RBM41: variants seen among roughly 807,000 people sequenced by gnomAD.
The protein encoded by RBM41 is RNA-binding protein 41.
A neutral mutation model predicts 30.8 loss-of-function variants in RBM41; 14 were observed. That is an observed-to-expected ratio of 0.45 (90% CI 0.30 to 0.71). The LOEUF (loss-of-function observed/expected upper bound fraction) is 0.71, where lower values mean the gene tolerates loss of function less well. Ranked by LOEUF, RBM41 falls within the 30% of genes least tolerant of loss-of-function variation. The pLI, the probability that RBM41 is intolerant of heterozygous loss-of-function variation, is 0.08. For synonymous variants in RBM41, 120 were observed against 110.1 expected (o/e 1.09, Z -0.56); for missense variants, 276 against 326.3 (o/e 0.85, Z 1.19).
At chrX:107,083,620 G>A (rs1341623119) in intron 6 of RBM41, among the ~76,000 whole-genome samples, 3 of 110,244 alleles carry the variant, frequency 2.7e-5, no homozygotes, top group African/African-American at 9.9e-5. Flanking sequence ...TTCAGCATGG[G>A]AAGTTTTTAT....
downstream of RBM41, among the ~76,000 whole-genome samples, chrX:107,059,369 T>C (rs1192572966): frequency 1.8e-5 from 2 of 110,432 alleles, no homozygotes; most frequent in South Asian, 3.9e-4. Context: ...AGGGAGAGCA[T>C]CAGGATAAAT....
intron 5 of RBM41, among the ~76,000 whole-genome samples, chrX:107,100,584 G>A (rs929881745): frequency 9.0e-6 from 1 of 111,708 alleles, no homozygotes; most frequent in African/African-American, 3.3e-5. Flanking sequence ...ATACTCATCA[G>A]ATTAGAGTCT....
At chrX:107,116,330 T>A in intron 2 of RBM41, 1 of 808,650 alleles carries the variant, frequency 1.2e-6, no homozygotes, top group African/African-American at 2.1e-5. Context: ...ATAAAAAAGA[T>A]AAAAATGGCT....
chrX:107,069,263 G>T lies in RBM41; in HGVS notation c.1139C>A (p.Thr380Asn). The part of the protein sequence containing the change: ...TGRMRGQAFI[T>N]FPNKEIAWQA... ...TGGATGAAACTACTTACTGGGAAAG[G>T]TGATAAAAGCCTGGCCCCTCATTCG... The change falls in exon 7 of 8, where the codon ACC becomes AAC. Residue 380 changes from threonine (T) to asparagine (N), a missense_variant. Physicochemically the swap from Thr to Asn is moderately conservative, Grantham distance 65 (BLOSUM62 0). Coordinates refer to ENST00000685964, the MANE Select transcript of RBM41 (RefSeq NM_001324242.2). The T allele has an allele frequency of 8.3e-7, 1 of 1,204,423 alleles. No homozygotes were observed. Among genetic ancestry groups the T allele is most frequent in the Non-Finnish European group, 1.1e-6 (1 of 892,183 alleles).
intron 5 of RBM41, among the ~76,000 whole-genome samples, chrX:107,092,660 G>T (rs1407337249): frequency 8.9e-6 from 1 of 111,748 alleles, no homozygotes; most frequent in Non-Finnish European, 1.9e-5. Flanking sequence ...ATTAGGAAGG[G>T]TATAAGATAC....
At chrX:107,055,787 T>C in the RBM41 span, among the ~76,000 whole-genome samples, 3 of 112,726 alleles carry the variant, frequency 2.7e-5, no homozygotes, top group African/African-American at 9.7e-5. Flanking sequence ...CTTAGAAATG[T>C]ATTCTTATAC....
chrX:107,069,461 T>C, intron 6 of RBM41, 59 bp from the exon 7 acceptor site: 1 of 1,112,090 alleles, frequency 9.0e-7, no homozygotes. Flanking sequence ...CACTCTTTGT[T>C]TTTTTCTTTT....
Position 107,062,877 on chromosome X carries a change from T to G in RBM41, c.*4650A>C, listed in dbSNP as rs970665932. ...TCATACTATACATATTTCTGCATCT[T>G]GTTTATTAACTTAATACACAACCTT... On this transcript the variant is annotated 3_prime_UTR_variant, in exon 8 of 8. Transcript: ENST00000685964. Among the ~76,000 whole-genome samples the G allele has an allele frequency of 1.8e-5, 2 of 112,254 alleles. No homozygotes were observed. Among genetic ancestry groups the G allele is most frequent in the African/African-American group, 3.2e-5 (1 of 30,924 alleles).
intron 6 of RBM41, among the ~76,000 whole-genome samples, chrX:107,081,674 A>C (rs1240039021): frequency 8.9e-6 from 1 of 112,331 alleles, no homozygotes; most frequent in African/African-American, 3.2e-5. Flanking sequence ...TTTAGATCTT[A>C]TTTAATTTTT....
Position 107,088,821 on chromosome X carries a change from T to C in RBM41, c.614A>G (p.Asn205Ser). Residue 205 changes from asparagine (N) to serine (S), a missense_variant, in exon 6 of 8, where the codon AAC (asparagine) becomes AGC (serine). Transcript: ENST00000685964. Reference protein sequence around the residue: ...LGTKDEPQKKNKGDPMNNLES... With the variant: ...LGTKDEPQKKSKGDPMNNLES... The stretch of plus-strand genomic sequence containing the variant: ...CAGGTTGTTCATGGGATCACCTTTG[T>C]TCTTCTTTTGGGGTTCATCTGGATC... 1 of 1,205,448 alleles carries C rather than the reference T, an allele frequency of 8.3e-7. No individual in the cohort carries two copies. Among genetic ancestry groups the C allele is most frequent in the Non-Finnish European group, 1.1e-6 (1 of 891,666 alleles).
At chrX:107,074,238 T>A (rs1169281825) in intron 6 of RBM41, among the ~76,000 whole-genome samples, 2 of 111,249 alleles carry the variant, frequency 1.8e-5, no homozygotes, top group Non-Finnish European at 3.8e-5. Context: ...CCCATAAATA[T>A]GTATAATTTA....
At chrX:107,115,577 T>C (rs1924822967) in intron 3 of RBM41, 21 bp from the exon 4 acceptor site, 2 of 1,169,305 alleles carry the variant, frequency 1.7e-6, no homozygotes, top group Non-Finnish European at 1.2e-6. Context: ...AGGAATGAGA[T>C]GGCATGTATC....
At position 107,066,600 on chromosome X, in the gene RBM41, G is replaced by A; in HGVS notation, c.*927C>T. The stretch of plus-strand genomic sequence containing the variant: ...ATGAAAAATGTGAGGCTCAGATTAA[G>A]TGACTTGCCAAGGTCATAGAATGTT... On this transcript the variant is annotated 3_prime_UTR_variant, in exon 8 of 8. Coordinates refer to ENST00000685964, the MANE Select transcript of RBM41 (RefSeq NM_001324242.2). The A allele has an allele frequency of 6.5e-6, 3 of 459,938 alleles. No individual in the cohort carries two copies. The highest frequency in any genetic ancestry group is 8.1e-6 in the Non-Finnish European group (3 of 371,599). 37.9% of individuals were successfully genotyped at this position (459,938 alleles called of 1,213,427 possible).
rs1253833238 is a variant in RBM41, at chrX:107,069,194, T to C, written c.1147+61A>G. 3 of 1,013,084 alleles carry C rather than the reference T, an allele frequency of 3.0e-6. No individual in the cohort carries two copies. The Admixed American group carries it at 8.0e-5, about 27-fold the overall frequency. The allele number at this position is 1,013,084 out of a possible 1,213,427, so 83.5% of individuals were successfully genotyped here. A position where few individuals can be genotyped will look rare whatever the true frequency, so the allele number is the denominator to read the frequency against. On this transcript the variant is annotated intron_variant, in intron 7 of 7. Coordinates refer to ENST00000685964, the MANE Select transcript of RBM41 (RefSeq NM_001324242.2). ...AGGACTATATCTAAATTAGAGAGGT[T>C]ATAGGTAATCTCTAGCGAACTGAGG...
At chrX:107,116,301 C>A in intron 2 of RBM41, 1 of 901,288 alleles carries the variant, frequency 1.1e-6, no homozygotes, top group Non-Finnish European at 1.4e-6. Flanking sequence ...CTGCTAGGTA[C>A]TAAGGATTTA....
chrX:107,052,663 A>G, the RBM41 span, among the ~76,000 whole-genome samples: 1 of 111,599 alleles, frequency 9.0e-6, no homozygotes, highest in Non-Finnish European at 1.9e-5. Context: ...CTGGGGCTCC[A>G]TTTGAAGAAC....
chrX:107,058,064 C>T (rs771598831), downstream of RBM41, among the ~76,000 whole-genome samples: 2 of 110,689 alleles, frequency 1.8e-5, no homozygotes, highest in Non-Finnish European at 3.8e-5. Context: ...GAGGCCGAGG[C>T]GGGTGGATCA....
At chrX:107,099,652 AAT>A (rs1168963521) in intron 5 of RBM41, among the ~76,000 whole-genome samples, 1 of 108,882 alleles carries the variant, frequency 9.2e-6, no homozygotes, top group Non-Finnish European at 1.9e-5. Flanking sequence ...ACAAACAAAC[AAT>A]ATAGGCTCAG....
intron 5 of RBM41, among the ~76,000 whole-genome samples, chrX:107,108,785 T>C (rs776900837): frequency 4.5e-4 from 50 of 111,145 alleles, no homozygotes; most frequent in Middle Eastern, 9.3e-3. Context: ...CAACAGAAGC[T>C]GCAAAAACCA....
Sources: allele counts gnomAD v4.1 joint callset (sites outside exome capture counted in the v4.1 genomes callset), GRCh38; gene constraint gnomAD v4.1.1; transcripts MANE v1.5; gene names NCBI Gene and HGNC (gene_info 2026-07-23, HGNC 2026-07-21).